OR2C1: variants seen among roughly 807,000 people sequenced by gnomAD.
OR2C1 encodes the protein olfactory receptor family 2 subfamily C member 1.
For missense variants in OR2C1, 468 were observed against 388.3 expected, an observed-to-expected ratio of 1.21 and a Z score of -1.73; for synonymous variants, 209 against 167.3, an observed-to-expected ratio of 1.25 and a Z score of -1.92.
the OR2C1 span, among the ~76,000 whole-genome samples, chr16:3,345,748 CCTCT>C: frequency 6.7e-6 from 1 of 150,012 alleles, no homozygotes; most frequent in African/African-American, 2.5e-5. Context: ...TCTCTTTCTT[CCTCT>C]CTCTCGTTCT....
At chr16:3,326,169 T>C in the OR2C1 span, among the ~76,000 whole-genome samples, 5,538 of 152,050 alleles carry the variant, frequency 0.036, 370 homozygotes, top group African/African-American at 0.12. Flanking sequence ...GACCTCGTGA[T>C]TGGCCCGCCT....
the OR2C1 span, among the ~76,000 whole-genome samples, chr16:3,329,169 G>GACACACACACACACACACACACACAC: frequency 7.8e-5 from 9 of 115,150 alleles, no homozygotes; most frequent in East Asian, 3.0e-4. Flanking sequence ...TGGGAGGGAA[G>GACACACACACACACACACACACACAC]ACACACACAC....
At chr16:3,349,896 C>T in the OR2C1 span, among the ~76,000 whole-genome samples, 18 of 150,888 alleles carry the variant, frequency 1.2e-4, no homozygotes, top group African/African-American at 3.9e-4. Context: ...AGCGAGATTC[C>T]GTCTCAAAAA....
chr16:3,327,225 T>G, the OR2C1 span, among the ~76,000 whole-genome samples: 1 of 152,156 alleles, frequency 6.6e-6, no homozygotes, highest in Non-Finnish European at 1.5e-5. Flanking sequence ...CTTGTTTCAT[T>G]TATCCCCTCC....
chr16:3,335,458 GCTTT>G, the OR2C1 span, among the ~76,000 whole-genome samples: 3 of 146,898 alleles, frequency 2.0e-5, no homozygotes, highest in Non-Finnish European at 4.5e-5. Flanking sequence ...AAGTGGGATT[GCTTT>G]CTTTATTTCT....
the OR2C1 span, among the ~76,000 whole-genome samples, chr16:3,334,564 T>C: frequency 6.8e-6 from 1 of 147,824 alleles, no homozygotes; most frequent in East Asian, 2.1e-4. Context: ...GAGGCCAAGC[T>C]GGGCAGATTG....
chr16:3,329,584 G>C, the OR2C1 span, among the ~76,000 whole-genome samples: 1 of 151,200 alleles, frequency 6.6e-6, no homozygotes, highest in Non-Finnish European at 1.5e-5. Flanking sequence ...TGAGTAGCTG[G>C]GACTACAGAT....
the OR2C1 span, among the ~76,000 whole-genome samples, chr16:3,327,756 C>CA: frequency 6.6e-6 from 1 of 151,998 alleles, no homozygotes; most frequent in Non-Finnish European, 1.5e-5. Flanking sequence ...GCCTACTGAA[C>CA]AAAAAACTAA....
In OR2C1 at chr16:3,356,555, C is replaced by G; in HGVS notation, c.615C>G (p.Phe205Leu). ...NQAVLNGVCT[F>L]FTAVPLSIIV... Reference sequence around the variant, plus strand: ...CTGTGCTCAATGGTGTCTGCACCTTCTTCACTGCAGTCCCACTAAGCATCA... The same window carrying G: ...CTGTGCTCAATGGTGTCTGCACCTTGTTCACTGCAGTCCCACTAAGCATCA... The change falls in exon 1 of 1, where the codon TTC becomes TTG. Residue 205 changes from phenylalanine (F) to leucine (L), a missense_variant. Coordinates refer to ENST00000304936, the MANE Select transcript of OR2C1 (RefSeq NM_012368.3). The G allele has an allele frequency of 6.2e-7, 1 of 1,614,202 alleles. No individual in the cohort carries two copies.
chr16:3,323,748 A>G, the OR2C1 span: 1 of 690,202 alleles, frequency 1.4e-6, no homozygotes, highest in South Asian at 1.6e-5. Flanking sequence ...TTCTGCCACC[A>G]GGAATTATGT....
At chr16:3,336,785 T>C in the OR2C1 span, among the ~76,000 whole-genome samples, 3 of 141,206 alleles carry the variant, frequency 2.1e-5, no homozygotes, top group Admixed American at 2.3e-4. Context: ...CTCTGCTCAC[T>C]GCAACCTCCG....
At chr16:3,339,869 A>T in the OR2C1 span, among the ~76,000 whole-genome samples, 1 of 152,128 alleles carries the variant, frequency 6.6e-6, no homozygotes, top group Non-Finnish European at 1.5e-5. Context: ...GTAGGATTTT[A>T]TTGTGGTTTT....
At chr16:3,328,574 A>G in the OR2C1 span, among the ~76,000 whole-genome samples, 2 of 152,196 alleles carry the variant, frequency 1.3e-5, no homozygotes, top group Non-Finnish European at 2.9e-5. Flanking sequence ...TCCTGGGAGG[A>G]CAATGTAAGC....
At chr16:3,336,422 C>T in the OR2C1 span, among the ~76,000 whole-genome samples, 29 of 152,072 alleles carry the variant, frequency 1.9e-4, no homozygotes, top group African/African-American at 6.0e-4. Flanking sequence ...AGTGCAGTGG[C>T]GTGATCTTGG....
At chr16:3,347,246 CAAAAAAAAA>C in the OR2C1 span, among the ~76,000 whole-genome samples, 1 of 64,486 alleles carries the variant, frequency 1.6e-5, no homozygotes, top group Non-Finnish European at 2.7e-5. Flanking sequence ...GACTCTGTCT[CAAAAAAAAA>C]AAAAAAAAAA....
the OR2C1 span, among the ~76,000 whole-genome samples, chr16:3,347,870 ACACG>A: frequency 4.7e-4 from 3 of 6,396 alleles, no homozygotes; most frequent in Non-Finnish European, 1.2e-3. Flanking sequence ...GCGCACACAC[ACACG>A]CACATGCACA....
chr16:3,357,492 T>C (rs2030700951), downstream of OR2C1, among the ~76,000 whole-genome samples: 1 of 152,188 alleles, frequency 6.6e-6, no homozygotes, highest in Non-Finnish European at 1.5e-5. Flanking sequence ...TTCAGTCTTC[T>C]GAGTAGCTGG....
the OR2C1 span, among the ~76,000 whole-genome samples, chr16:3,338,789 G>A: frequency 6.6e-6 from 1 of 152,064 alleles, no homozygotes; most frequent in Non-Finnish European, 1.5e-5. Flanking sequence ...GCCCGCCTCG[G>A]CCTCCCAAAG....
chr16:3,350,450 C>T, the OR2C1 span, among the ~76,000 whole-genome samples: 6 of 150,220 alleles, frequency 4.0e-5, no homozygotes, highest in Non-Finnish European at 8.9e-5. Flanking sequence ...CTTGCTCTGT[C>T]GCCCAGGCTG....
Sources: allele counts gnomAD v4.1 joint callset (sites outside exome capture counted in the v4.1 genomes callset), GRCh38; gene constraint gnomAD v4.1.1; transcripts MANE v1.5; gene names NCBI Gene and HGNC (gene_info 2026-07-23, HGNC 2026-07-21).